DGKB: variants seen among roughly 807,000 people sequenced by gnomAD.
DGKB encodes the protein 90 kDa diacylglycerol kinase.
In DGKB, 67 loss-of-function variants were observed where a neutral mutation model predicts 114.3. The observed-to-expected ratio is 0.59, with a 90% CI of 0.48 to 0.72. The LOEUF is 0.72. Among genes scored for constraint, DGKB ranks in the 30% least tolerant of loss-of-function variants. DGKB has a pLI of 0.00. For synonymous variants in DGKB, 398 were observed against 323.1 expected (o/e 1.23, Z -2.49); for missense variants, 907 against 975.2 (o/e 0.93, Z 0.93).
intron 8 of DGKB, among the ~76,000 whole-genome samples, chr7:14,696,655 G>A (rs189847437): frequency 1.3e-5 from 2 of 151,972 alleles, no homozygotes; most frequent in African/African-American, 2.4e-5. Flanking sequence ...AGCTGTTGTC[G>A]ATTACAAGGG....
intron 1 of DGKB, among the ~76,000 whole-genome samples, chr7:14,900,814 A>G (rs984228295): frequency 6.6e-6 from 1 of 152,184 alleles, no homozygotes; most frequent in Admixed American, 6.5e-5. Context: ...TAGATTTAAA[A>G]AAATTTTGTC....
chr7:14,594,259 A>G (rs2128750465), intron 17 of DGKB, among the ~76,000 whole-genome samples: 1 of 152,232 alleles, frequency 6.6e-6, no homozygotes, highest in Non-Finnish European at 1.5e-5. Context: ...TGCTACAAAT[A>G]CGCAGTAAAA....
intron 23 of DGKB, among the ~76,000 whole-genome samples, chr7:14,199,278 A>C (rs999127022): frequency 3.3e-5 from 5 of 152,082 alleles, no homozygotes; most frequent in African/African-American, 1.2e-4. Context: ...GATGGGTCTC[A>C]GATGAAAGAC....
chr7:14,453,668 A>G (rs191294316), intron 21 of DGKB, among the ~76,000 whole-genome samples: 67 of 152,268 alleles, frequency 4.4e-4, no homozygotes, highest in Non-Finnish European at 8.2e-4. Context: ...ACAGTTTTTC[A>G]TCTATCACAG....
intron 23 of DGKB, among the ~76,000 whole-genome samples, chr7:14,331,590 G>C (rs566656163): frequency 6.6e-6 from 1 of 151,908 alleles, no homozygotes; most frequent in Non-Finnish European, 1.5e-5. Context: ...GGTATACAAA[G>C]TGTACAATTA....
upstream of DGKB, among the ~76,000 whole-genome samples, chr7:14,905,307 C>G (rs113885794): frequency 2.9e-3 from 434 of 149,548 alleles, 3 homozygotes; most frequent in African/African-American, 0.01. Context: ...GAAAAAACCA[C>G]TCTCTTAAAA....
At chr7:14,677,361 A>G (rs1261910904) in intron 12 of DGKB, among the ~76,000 whole-genome samples, 1 of 151,992 alleles carries the variant, frequency 6.6e-6, no homozygotes, top group Non-Finnish European at 1.5e-5. Context: ...TTGGAGGCAC[A>G]TATTTACTGG....
At chr7:14,363,024 T>A in intron 21 of DGKB, among the ~76,000 whole-genome samples, 1 of 152,078 alleles carries the variant, frequency 6.6e-6, no homozygotes, top group East Asian at 1.9e-4. Flanking sequence ...ACCTTCCCCC[T>A]CTTGGAGCAT....
At chr7:14,924,063 C>T (rs979690644) in intron 1 of DGKB, among the ~76,000 whole-genome samples, 1 of 149,728 alleles carries the variant, frequency 6.7e-6, no homozygotes, top group African/African-American at 2.5e-5. Flanking sequence ...GAAGGCAGGT[C>T]TGTCTTGATT....
chr7:14,648,399 G>T (rs543473847), intron 13 of DGKB, among the ~76,000 whole-genome samples: 1 of 152,148 alleles, frequency 6.6e-6, no homozygotes, highest in African/African-American at 2.4e-5. Flanking sequence ...ACACCTCACA[G>T]GGCAGGGTAC....
chr7:14,695,106 T>C (rs1823585274), intron 8 of DGKB, among the ~76,000 whole-genome samples: 1 of 152,164 alleles, frequency 6.6e-6, no homozygotes, highest in South Asian at 2.1e-4. Flanking sequence ...ATGCATGAAA[T>C]ATTTGATTTG....
At chr7:14,850,683 A>G (rs1265450064) in intron 1 of DGKB, among the ~76,000 whole-genome samples, 1 of 152,174 alleles carries the variant, frequency 6.6e-6, no homozygotes, top group Non-Finnish European at 1.5e-5. Context: ...TATATGAAAA[A>G]ATTACCTAAA....
intron 23 of DGKB, among the ~76,000 whole-genome samples, chr7:14,189,155 C>T (rs2067023): frequency 0.19 from 28,651 of 152,056 alleles, 2,927 homozygotes; most frequent in African/African-American, 0.25. Flanking sequence ...TGATATGATA[C>T]GTCTTTCAAT....
intron 1 of DGKB, among the ~76,000 whole-genome samples, chr7:14,874,375 C>G (rs1852940189): frequency 6.6e-6 from 1 of 152,026 alleles, no homozygotes; most frequent in African/African-American, 2.4e-5. Context: ...AAACAGCATG[C>G]ATTTTCCACA....
chr7:14,948,705 G>A (rs946003557), intron 1 of DGKB, among the ~76,000 whole-genome samples: 3 of 151,690 alleles, frequency 2.0e-5, no homozygotes, highest in African/African-American at 7.3e-5. Context: ...AGATTGTGGT[G>A]TTCTCTATTA....
intron 25 of DGKB, among the ~76,000 whole-genome samples, chr7:14,151,696 CT>C (rs1272221460): frequency 6.6e-6 from 1 of 151,994 alleles, no homozygotes; most frequent in Non-Finnish European, 1.5e-5. Context: ...TTTCTTTACT[CT>C]AACTTTATTT....
At chr7:14,830,367 A>G (rs1846245483) in intron 2 of DGKB, among the ~76,000 whole-genome samples, 1 of 30,242 alleles carries the variant, frequency 3.3e-5, no homozygotes, top group South Asian at 2.3e-3. Context: ...TTCTAGAGAA[A>G]TAATTTAATA....
chr7:14,601,097 A>C (rs1803463179), intron 17 of DGKB, among the ~76,000 whole-genome samples: 1 of 152,076 alleles, frequency 6.6e-6, no homozygotes. Context: ...CAGCTTTTGC[A>C]CTCTGTGCCT....
At chr7:14,431,777 G>T (rs1828486694) in intron 21 of DGKB, among the ~76,000 whole-genome samples, 1 of 151,894 alleles carries the variant, frequency 6.6e-6, no homozygotes, top group Non-Finnish European at 1.5e-5. Flanking sequence ...TCTTGAGAAA[G>T]ATGTATATAT....
Sources: allele counts gnomAD v4.1 joint callset (sites outside exome capture counted in the v4.1 genomes callset), GRCh38; gene constraint gnomAD v4.1.1; transcripts MANE v1.5; gene names NCBI Gene and HGNC (gene_info 2026-07-23, HGNC 2026-07-21).